MSI2: variants seen among roughly 807,000 people sequenced by gnomAD.
The protein encoded by MSI2 is RNA-binding protein Musashi homolog 2.
In MSI2, 17 loss-of-function variants were observed where a neutral mutation model predicts 45.6. The observed-to-expected ratio is 0.37, with a 90% CI of 0.26 to 0.56. The LOEUF (loss-of-function observed/expected upper bound fraction) is 0.56. Among genes scored for constraint, MSI2 ranks in the 20% least tolerant of loss-of-function variants. MSI2 has a pLI of 0.77. For missense variants in MSI2, 293 were observed against 444.2 expected, an observed-to-expected ratio of 0.66 and a Z score of 3.06; for synonymous variants, 156 against 158.2, an observed-to-expected ratio of 0.99 and a Z score of 0.11.
intron 6 of MSI2, among the ~76,000 whole-genome samples, chr17:57,498,762 T>G (rs1003644483): frequency 8.6e-5 from 13 of 151,710 alleles, no homozygotes; most frequent in African/African-American, 3.1e-4. Context: ...CCTTTCTTTC[T>G]TTTTTTTTCT....
chr17:57,495,736 A>G (rs1420333812), intron 6 of MSI2, among the ~76,000 whole-genome samples: 1 of 151,878 alleles, frequency 6.6e-6, no homozygotes, highest in Non-Finnish European at 1.5e-5. Context: ...CAAAAGTCCC[A>G]TCTCTCTTCT....
chr17:57,513,668 C>T (rs140331497), intron 6 of MSI2, among the ~76,000 whole-genome samples: 11 of 152,354 alleles, frequency 7.2e-5, no homozygotes, highest in African/African-American at 2.4e-4. Context: ...CGGAGGGGCT[C>T]CTTCACTGCA....
rs917515770 is a variant in MSI2 at position 57,615,015 on chromosome 17, G to A, written c.538-955G>A. On this transcript the variant is annotated intron_variant, in intron 8 of 13. Coordinates refer to ENST00000284073, the MANE Select transcript of MSI2 (RefSeq NM_138962.4). ...TCTTATTACTTCCCTCAGGAGTGTG[G>A]TGGTGGTGTAGGTTTTGTGGAAATG... Among the ~76,000 whole-genome samples, 3 of 152,164 alleles carry A rather than the reference G, an allele frequency of 2.0e-5. No homozygotes were observed. In the South Asian group the frequency reaches 6.2e-4, roughly 32 times the overall value.
intron 5 of MSI2, among the ~76,000 whole-genome samples, chr17:57,355,642 T>C (rs1159899834): frequency 6.6e-6 from 1 of 152,234 alleles, no homozygotes; most frequent in Non-Finnish European, 1.5e-5. Flanking sequence ...CATGATTCTT[T>C]TGCTCTGAGG....
chr17:57,542,169 G>A (rs1156637411), intron 7 of MSI2, among the ~76,000 whole-genome samples: 1 of 152,180 alleles, frequency 6.6e-6, no homozygotes, highest in Non-Finnish European at 1.5e-5. Context: ...CCGCTGCTGG[G>A]TGTTCATTGA....
At chr17:57,657,384 G>A (rs1432560051) in intron 11 of MSI2, among the ~76,000 whole-genome samples, 1 of 152,138 alleles carries the variant, frequency 6.6e-6, no homozygotes, top group Non-Finnish European at 1.5e-5. Flanking sequence ...GGCTGCTGAA[G>A]CTGCAAATTG....
chr17:57,625,278 C>A (rs1384585538), intron 9 of MSI2, among the ~76,000 whole-genome samples: 2 of 152,168 alleles, frequency 1.3e-5, no homozygotes, highest in African/African-American at 4.8e-5. Context: ...GACTTCAGAC[C>A]CGTGAGTTTC....
intron 5 of MSI2, among the ~76,000 whole-genome samples, chr17:57,376,960 C>A (rs369735441): frequency 6.2e-4 from 93 of 149,742 alleles, no homozygotes; most frequent in African/African-American, 2.1e-3. Flanking sequence ...TCGCTCTGTC[C>A]CCCAGGCTGG....
chr17:57,632,482 C>G (rs1036110812), intron 10 of MSI2: 3 of 1,065,978 alleles, frequency 2.8e-6, no homozygotes, highest in African/African-American at 1.6e-5. Context: ...ATGACAGGCA[C>G]GGTGGGCACC....
chr17:57,657,661 C>T (rs1280325229), intron 11 of MSI2, among the ~76,000 whole-genome samples: 1 of 152,144 alleles, frequency 6.6e-6, no homozygotes. Flanking sequence ...TAGATATGCC[C>T]ATCCCAATCC....
intron 10 of MSI2, among the ~76,000 whole-genome samples, chr17:57,641,778 G>T (rs1247419305): frequency 1.3e-5 from 2 of 152,156 alleles, no homozygotes; most frequent in Non-Finnish European, 2.9e-5. Context: ...TCTCAGTCTG[G>T]GTCTCAGAAA....
chr17:57,378,094 A>G (rs1456866054), intron 5 of MSI2, among the ~76,000 whole-genome samples: 2 of 151,822 alleles, frequency 1.3e-5, no homozygotes, highest in Non-Finnish European at 2.9e-5. Context: ...AAAAAGAAAA[A>G]AAAAGTGAAG....
chr17:57,683,176 GT>G lies in MSI2; in HGVS notation c.*3662del. The G allele has an allele frequency of 4.4e-6, 1 of 229,266 alleles. No homozygotes were observed. The highest frequency in any genetic ancestry group is 8.7e-6 in the Non-Finnish European group (1 of 115,566). The allele number at this position is 229,266 out of a possible 1,614,324, so 14.2% of individuals were successfully genotyped here. ...ATGGCTCTATTGCTGTCAATTTACT[GT>G]TTCACTGCACAGCAATCACAGCCAG... On this transcript the variant is annotated 3_prime_UTR_variant, in exon 14 of 14. Transcript: ENST00000284073. This position sits in a 1 kb window ranked among gnomAD's most constrained non-coding sequence, Gnocchi z 5.2.
intron 7 of MSI2, among the ~76,000 whole-genome samples, chr17:57,583,078 G>A (rs1308054444): frequency 1.3e-5 from 2 of 152,194 alleles, no homozygotes; most frequent in Non-Finnish European, 2.9e-5. Context: ...TGGCTGGTTA[G>A]GTGTCTTGCC....
chr17:57,385,108 A>C (rs1285387275), intron 5 of MSI2, among the ~76,000 whole-genome samples: 5 of 152,140 alleles, frequency 3.3e-5, no homozygotes, highest in Non-Finnish European at 7.4e-5. Context: ...AACTATTATG[A>C]TAAGCTCCTA....
rs575858983 is a variant in MSI2, at chr17:57,420,309, A to G, written c.405+18838A>G. Among the ~76,000 whole-genome samples, 10 of 152,318 alleles carry G rather than the reference A, an allele frequency of 6.6e-5. No individual in the cohort carries two copies. In the South Asian group the frequency reaches 1.7e-3, roughly 25 times the overall value. Reference sequence around the variant, plus strand: ...ACTGACGTTCGGGGCAGTCTGAAAAATGAATTATGGGCTCTCACGATTTTT... The same window carrying G: ...ACTGACGTTCGGGGCAGTCTGAAAAGTGAATTATGGGCTCTCACGATTTTT... On this transcript the variant is annotated intron_variant, in intron 6 of 13. Transcript: ENST00000284073.
rs71143203 is a variant in MSI2, at chr17:57,526,356, G to GGTGTGTGTGTGTGTGTGT, written c.406-3284_406-3267dup. Reference sequence around the variant, plus strand: ...TCTTCATAGCCCCCTGATATACCTGGGTGTGTGTGTGTGTGTGTGTGTGTG... The same window carrying GGTGTGTGTGTGTGTGTGT: ...TCTTCATAGCCCCCTGATATACCTGGGTGTGTGTGTGTGTGTGTGTGTGTGTGTGTGTGTGTGTGTGTG... On this transcript the variant is annotated intron_variant, in intron 6 of 13. Transcript: ENST00000284073. Among the ~76,000 whole-genome samples, 45 of 122,608 alleles carry GGTGTGTGTGTGTGTGTGT rather than the reference G, an allele frequency of 3.7e-4. 1 individual carries two copies. Among genetic ancestry groups the GGTGTGTGTGTGTGTGTGT allele is most frequent in the South Asian group, 8.2e-4 (3 of 3,646 alleles). 80.4% of individuals were successfully genotyped at this position (122,608 alleles called of 152,430 possible). A position where few individuals can be genotyped will look rare whatever the true frequency, so the allele number is the denominator to read the frequency against.
At position 57,322,176 on chromosome 17, in the gene MSI2, A is replaced by G. The variant is rs185791783; in HGVS notation, c.312+59984A>G. ...TAGCTGTCCCCACAGTACTGAGACC[A>G]GAGCTCAGGAGAATGTGGTAGCTGA... On this transcript the variant is annotated intron_variant, in intron 5 of 13. Coordinates refer to ENST00000284073, the MANE Select transcript of MSI2 (RefSeq NM_138962.4). Among the ~76,000 whole-genome samples the G allele has an allele frequency of 2.1e-4, 32 of 152,344 alleles. No individual in the cohort carries two copies. In the East Asian group the frequency reaches 6.0e-3, roughly 28 times the overall value.
intron 6 of MSI2, among the ~76,000 whole-genome samples, chr17:57,434,568 C>T (rs1417230144): frequency 6.6e-6 from 1 of 152,136 alleles, no homozygotes; most frequent in Non-Finnish European, 1.5e-5. Flanking sequence ...CATGCACCCC[C>T]ATCCTCTGGT....
Sources: gnomAD v4.1 joint callset for allele counts (sites outside exome capture counted in the v4.1 genomes callset) on GRCh38, gnomAD v4.1.1 for gene constraint, Gnocchi (gnomAD v3.1) non-coding constraint, MANE v1.5 for transcripts, NCBI Gene and HGNC (gene_info 2026-07-23, HGNC 2026-07-21) for gene names.